Variants in WWTR1 observed in about 807,000 individuals in gnomAD.
The protein encoded by WWTR1 is WW domain-containing transcription regulator protein 1.
Under a neutral mutation model 40.1 loss-of-function variants are expected in WWTR1, and 13 were observed. The ratio of observed to expected loss-of-function variants is 0.32; its 90% CI spans 0.21 to 0.52. The LOEUF (loss-of-function observed/expected upper bound fraction) is 0.52, where lower values mean the gene tolerates loss of function less well. Among genes scored for constraint, WWTR1 ranks in the 20% least tolerant of loss-of-function variants. WWTR1 has a pLI of 0.97. For synonymous variants in WWTR1, 230 were observed against 210.1 expected (o/e 1.09, Z -0.82); for missense variants, 436 against 523.1 (o/e 0.83, Z 1.63).
intron 4 of WWTR1, among the ~76,000 whole-genome samples, chr3:149,723,868 T>C (rs1030811318): frequency 9.9e-5 from 15 of 152,134 alleles, no homozygotes; most frequent in African/African-American, 3.4e-4. Context: ...TCCTAAATAT[T>C]TGGAGGCCAG....
Position 149,573,691 on chromosome 3 carries a change from T to C in WWTR1, c.432-691A>G, listed in dbSNP as rs1001148120. Among the ~76,000 whole-genome samples the C allele has an allele frequency of 4.6e-5, 7 of 152,084 alleles. No individual in the cohort carries two copies. The East Asian group carries it at 1.4e-3, about 29-fold the overall frequency. On this transcript the variant is annotated intron_variant, in intron 2 of 6. Coordinates refer to ENST00000360632, the MANE Select transcript of WWTR1 (RefSeq NM_015472.6). ...AAACTTAGATATTGAGGCATGAAGG[T>C]TTACAAGGGAGAAGACATGATTACA... is the stretch of plus-strand genomic sequence containing the variant.
intron 2 of WWTR1, among the ~76,000 whole-genome samples, chr3:149,652,070 C>T (rs1430302560): frequency 6.9e-6 from 1 of 145,048 alleles, no homozygotes; most frequent in Non-Finnish European, 1.5e-5. Flanking sequence ...ATCTCCATCT[C>T]CTGACCTCGT....
At position 149,655,157 on chromosome 3, in the gene WWTR1, A is replaced by G. The variant is rs538795738; in HGVS notation, c.431+1719T>C. Among the ~76,000 whole-genome samples, 26 of 147,924 alleles carry G rather than the reference A, an allele frequency of 1.8e-4. No individual in the cohort carries two copies. In the South Asian group the frequency reaches 5.7e-3, roughly 32 times the overall value. ...AAAGAAAGAAAGAAAGAAAGAAATCATGTAGGGCTGGGCATGGTGGCTCAA... is the reference window on the plus strand; with the variant it reads ...AAAGAAAGAAAGAAAGAAAGAAATCGTGTAGGGCTGGGCATGGTGGCTCAA... On this transcript the variant is annotated intron_variant, in intron 2 of 6. Transcript: ENST00000360632.
At chr3:149,703,661 G>A (rs528021949), upstream of WWTR1, among the ~76,000 whole-genome samples, 8 of 152,254 alleles carry the variant, frequency 5.3e-5, no homozygotes, top group Non-Finnish European at 7.4e-5. Context: ...AGGTGTTTGC[G>A]TCATGGGGGT....
In WWTR1 at chr3:149,607,595, T is replaced by G. The variant is rs543306610; in HGVS notation, c.432-34595A>C. Among the ~76,000 whole-genome samples the G allele has an allele frequency of 7.9e-5, 12 of 152,318 alleles. No individual in the cohort carries two copies. The South Asian group carries it at 2.5e-3, about 32-fold the overall frequency. ...TCCCAAAGTGCTGGGATTACAGGTG[T>G]GAGCCACTGCACCCAGCCTTGACGT... On this transcript the variant is annotated intron_variant, in intron 2 of 6. Transcript: ENST00000360632.
chr3:149,670,646 A>G (rs960024150), intron 1 of WWTR1: 2 of 149,688 alleles, frequency 1.3e-5, no homozygotes, highest in African/African-American at 4.9e-5. Flanking sequence ...TCCGTCTCAA[A>G]AAAAAAAAAA....
At chr3:149,523,749 T>C (rs1315477839) in intron 6 of WWTR1, among the ~76,000 whole-genome samples, 1 of 152,220 alleles carries the variant, frequency 6.6e-6, no homozygotes, top group Non-Finnish European at 1.5e-5. Flanking sequence ...ACAGGCCTGA[T>C]AGATCTTTTC....
At chr3:149,651,991 A>ATTTT (rs1560104151) in intron 2 of WWTR1, among the ~76,000 whole-genome samples, 2 of 50,816 alleles carry the variant, frequency 3.9e-5, no homozygotes, top group Admixed American at 2.4e-4. Context: ...ACGCCCGGCT[A>ATTTT]ATTTTTTTTT....
chr3:149,562,021 C>T (rs113793063), intron 3 of WWTR1, among the ~76,000 whole-genome samples: 3 of 152,002 alleles, frequency 2.0e-5, no homozygotes, highest in African/African-American at 7.3e-5. Context: ...ACTGGCCAGG[C>T]GCAGTTGCTT....
At chr3:149,718,366 T>C (rs1231196542) in intron 4 of WWTR1, among the ~76,000 whole-genome samples, 1 of 151,970 alleles carries the variant, frequency 6.6e-6, no homozygotes, top group Non-Finnish European at 1.5e-5. Context: ...CCACATGCCA[T>C]GAGGGCCACT....
intron 2 of WWTR1, among the ~76,000 whole-genome samples, chr3:149,613,116 C>T (rs893723700): frequency 2.0e-5 from 3 of 152,162 alleles, no homozygotes; most frequent in African/African-American, 7.2e-5. Context: ...AGGGGAGAGA[C>T]TACACTCTGC....
chr3:149,668,497 G>T (rs989534735), intron 2 of WWTR1, among the ~76,000 whole-genome samples: 2 of 151,908 alleles, frequency 1.3e-5, no homozygotes, highest in African/African-American at 4.8e-5. Context: ...AATCCCAGCT[G>T]CTTAGGAGGT....
chr3:149,613,068 G>A (rs976608359), intron 2 of WWTR1, among the ~76,000 whole-genome samples: 1 of 152,190 alleles, frequency 6.6e-6, no homozygotes, highest in Non-Finnish European at 1.5e-5. Context: ...TAGGCTGGCA[G>A]CAGAGCAGAG....
intron 2 of WWTR1, among the ~76,000 whole-genome samples, chr3:149,666,999 T>C (rs745700452): frequency 6.6e-6 from 1 of 152,190 alleles, no homozygotes; most frequent in Admixed American, 6.5e-5. Context: ...TCCTAAAATG[T>C]ATATCGAAGC....
chr3:149,696,506 T>G (rs1006165716), intron 1 of WWTR1, among the ~76,000 whole-genome samples: 3 of 152,198 alleles, frequency 2.0e-5, no homozygotes, highest in Admixed American at 6.5e-5. Context: ...AAAGTGATAT[T>G]TAAAAAGGTT....
rs190041193 is a variant in WWTR1, at chr3:149,517,958, G to T, written c.*2847C>A. ...GTACTAAAAAGACTAGTACTAAGAA[G>T]ACTAAAGACAGTTATCTTATAATAA... On this transcript the variant is annotated 3_prime_UTR_variant, in exon 7 of 7. Transcript: ENST00000360632. The T allele has an allele frequency of 9.9e-5, 15 of 152,166 alleles. No homozygotes were observed. The highest frequency in any genetic ancestry group is 2.0e-4 in the Admixed American group (3 of 15,280). The allele number at this position is 152,166 out of a possible 1,614,324, so 9.4% of individuals were successfully genotyped here.
At chr3:149,638,700 G>A (rs879461750) in intron 2 of WWTR1, among the ~76,000 whole-genome samples, 3 of 151,326 alleles carry the variant, frequency 2.0e-5, no homozygotes, top group East Asian at 3.9e-4. Context: ...CATTTCCTTC[G>A]CATTTAATTG....
At chr3:149,704,107 T>G (rs1312381083), upstream of WWTR1, among the ~76,000 whole-genome samples, 3 of 152,140 alleles carry the variant, frequency 2.0e-5, no homozygotes, top group East Asian at 5.8e-4. Flanking sequence ...CCTCCCAAAA[T>G]GCTGAGATCA....
chr3:149,710,005 G>A (rs1715437693), intron 5 of WWTR1, among the ~76,000 whole-genome samples: 3 of 152,158 alleles, frequency 2.0e-5, no homozygotes, highest in African/African-American at 7.2e-5. Flanking sequence ...CTCCCTCAGA[G>A]GTCACAAACC....
Sources: gnomAD v4.1 joint callset for allele counts (sites outside exome capture counted in the v4.1 genomes callset) on GRCh38, gnomAD v4.1.1 for gene constraint, MANE v1.5 for transcripts, NCBI Gene and HGNC (gene_info 2026-07-23, HGNC 2026-07-21) for gene names.